SORCS2: variants seen among roughly 807,000 people sequenced by gnomAD.
SORCS2 encodes sortilin related VPS10 domain containing receptor 2.
A neutral mutation model predicts 141.6 loss-of-function variants in SORCS2; 100 were observed. The ratio of observed to expected loss-of-function variants is 0.71; its 90% CI spans 0.60 to 0.83. The LOEUF (loss-of-function observed/expected upper bound fraction) is 0.83. Ranked by LOEUF, SORCS2 falls within the 40% of genes least tolerant of loss-of-function variation. The pLI is 0.00. For missense variants in SORCS2, 1,646 were observed against 1,560.2 expected, an observed-to-expected ratio of 1.05 and a Z score of -0.93; for synonymous variants, 789 against 676.9, an observed-to-expected ratio of 1.17 and a Z score of -2.57.
chr4:7,417,293 C>A (rs1316404000), intron 2 of SORCS2, among the ~76,000 whole-genome samples: 2 of 152,086 alleles, frequency 1.3e-5, no homozygotes, highest in African/African-American at 4.8e-5. Context: ...GAGATGGCAG[C>A]GCCAGGAAGC....
Position 7,396,299 on chromosome 4 carries a change from C to T in SORCS2, c.492C>T (p.Ile164=), listed in dbSNP as rs61755316. The stretch of plus-strand genomic sequence containing the variant: ...TGTTAACACCACAGGTGATCTTGAT[C>T]CTGACGAAGTACTACCACGCAGACA... ...WTGENSSVIL[I]LTKYYHADMG... The change falls in exon 2 of 27, where the codon ATC becomes ATT. Residue 164 remains isoleucine (I), a synonymous_variant. Transcript: ENST00000507866. The T allele has an allele frequency of 4.3e-6, 7 of 1,613,888 alleles. No homozygotes were observed. Among genetic ancestry groups the T allele is most frequent in the Non-Finnish European group, 5.9e-6 (7 of 1,179,846 alleles).
rs776968399 is a variant in SORCS2 at position 7,704,200 on chromosome 4, C to T, written c.1784C>T (p.Thr595Ile). ...AGGTTCAGTGTGGACGAGGGCCTCA[C>T]CTGGAGCACGCACAACTTCACCAGC... The part of the protein sequence containing the change: ...ILKFSVDEGL[T>I]WSTHNFTSTS... Residue 595 changes from threonine to isoleucine, a missense_variant, in exon 14 of 27, where the codon ACC (threonine) becomes ATC (isoleucine). Physicochemically the swap from Thr to Ile is moderately conservative, Grantham distance 89 (BLOSUM62 -1). Transcript: ENST00000507866. 1.9e-6 allele frequency: 3 copies of T among 1,612,852 alleles called. No homozygotes were observed. The highest frequency in any genetic ancestry group is 2.5e-6 in the Non-Finnish European group (3 of 1,179,574).
chr4:7,553,341 A>G (rs1407990454), intron 3 of SORCS2, among the ~76,000 whole-genome samples: 1 of 152,232 alleles, frequency 6.6e-6, no homozygotes, highest in Non-Finnish European at 1.5e-5. Context: ...TTTTTCATCA[A>G]AAAAGGAAAC....
chr4:7,704,086 C>A, intron 13 of SORCS2, 91 bp from the exon 14 acceptor site: 1 of 1,163,454 alleles, frequency 8.6e-7, no homozygotes, highest in Non-Finnish European at 1.3e-6. Flanking sequence ...AGTGCAGCCT[C>A]CGCCCCTCCA....
At chr4:7,657,299 TAATG>T (rs1721836951) in intron 5 of SORCS2, among the ~76,000 whole-genome samples, 1 of 152,206 alleles carries the variant, frequency 6.6e-6, no homozygotes, top group Non-Finnish European at 1.5e-5. Context: ...ATGAGTTAGG[TAATG>T]AATGAATGAG....
chr4:7,401,576 TC>T (rs1724598079), intron 2 of SORCS2, among the ~76,000 whole-genome samples: 1 of 152,212 alleles, frequency 6.6e-6, no homozygotes, highest in South Asian at 2.1e-4. Flanking sequence ...GCTCCCTATG[TC>T]CTGCCTCCTG....
rs928623586 is a variant in SORCS2, at chr4:7,380,913, C to G, written c.481-15375C>G. Among the ~76,000 whole-genome samples, 137 of 152,258 alleles carry G rather than the reference C, an allele frequency of 9.0e-4. 2 individuals carry two copies. The highest frequency in any genetic ancestry group is 3.1e-3 in the African/African-American group (129 of 41,548). ...CCTGGCCAACACGGTGAAACCCCGT[C>G]TCTACTAAAAATACAAAAATTAGCT... On this transcript the variant is annotated intron_variant, in intron 1 of 26. Coordinates refer to ENST00000507866, the MANE Select transcript of SORCS2 (RefSeq NM_020777.3).
intron 2 of SORCS2, among the ~76,000 whole-genome samples, chr4:7,401,335 A>G (rs1724581545): frequency 6.6e-6 from 1 of 152,050 alleles, no homozygotes; most frequent in African/African-American, 2.4e-5. Context: ...GGATAAATAG[A>G]TGGGTGGATG....
intron 9 of SORCS2, among the ~76,000 whole-genome samples, chr4:7,681,155 G>C (rs1228148728): frequency 6.6e-6 from 1 of 152,188 alleles, no homozygotes. Context: ...GGGGTCAGGG[G>C]AGGGACTGCA....
At chr4:7,455,963 A>G (rs779578788) in intron 2 of SORCS2, among the ~76,000 whole-genome samples, 6 of 152,172 alleles carry the variant, frequency 3.9e-5, no homozygotes, top group Non-Finnish European at 8.8e-5. Flanking sequence ...GGCTTAAACA[A>G]GAGTAATTCC....
chr4:7,592,958 G>A (rs185678249), intron 3 of SORCS2, among the ~76,000 whole-genome samples: 21 of 152,302 alleles, frequency 1.4e-4, no homozygotes, highest in Admixed American at 1.0e-3. Flanking sequence ...TTAATCTACT[G>A]CTGTGTGTGT....
At chr4:7,651,216 C>T (rs566541517) in intron 4 of SORCS2, among the ~76,000 whole-genome samples, 59 of 152,178 alleles carry the variant, frequency 3.9e-4, no homozygotes, top group Non-Finnish European at 6.6e-4. Flanking sequence ...GAAAGGCAAA[C>T]GCGTGTTGTG....
intron 3 of SORCS2, among the ~76,000 whole-genome samples, chr4:7,584,424 C>T (rs1392018467): frequency 6.6e-6 from 1 of 152,158 alleles, no homozygotes; most frequent in Non-Finnish European, 1.5e-5. Flanking sequence ...GCTGAAGGCA[C>T]AGATACTCAG....
intron 1 of SORCS2, among the ~76,000 whole-genome samples, chr4:7,205,612 T>C (rs963666157): frequency 6.6e-6 from 1 of 152,226 alleles, no homozygotes; most frequent in South Asian, 2.1e-4. Flanking sequence ...CATTTGTGAC[T>C]TGTTGCCTAC....
intron 22 of SORCS2, 45 bp from the exon 23 acceptor site, chr4:7,729,530 TATGAGGCAGGGA>T: frequency 1.9e-6 from 3 of 1,539,830 alleles, no homozygotes; most frequent in Non-Finnish European, 2.6e-6. Flanking sequence ...GGGGCCCCAG[TATGAGGCAGGGA>T]ATGAGGAAGA....
At chr4:7,443,424 G>C (rs1174773168) in intron 2 of SORCS2, among the ~76,000 whole-genome samples, 9 of 152,170 alleles carry the variant, frequency 5.9e-5, no homozygotes, top group African/African-American at 2.2e-4. Context: ...TGAGCGCACA[G>C]CCGCGAATGG....
chr4:7,400,249 G>T (rs1577501982), intron 2 of SORCS2, among the ~76,000 whole-genome samples: 1 of 151,530 alleles, frequency 6.6e-6, no homozygotes, highest in African/African-American at 2.4e-5. Context: ...ACTACACTAA[G>T]CTCAGTCCCT....
At position 7,362,985 on chromosome 4, in the gene SORCS2, A is replaced by G. The variant is rs550929751; in HGVS notation, c.481-33303A>G. 1.3e-4 allele frequency among the ~76,000 whole-genome samples: 19 copies of G among 150,966 alleles called. No homozygotes were observed. The East Asian group carries it at 2.9e-3, about 23-fold the overall frequency. On this transcript the variant is annotated intron_variant, in intron 1 of 26. Coordinates refer to ENST00000507866, the MANE Select transcript of SORCS2 (RefSeq NM_020777.3). Reference sequence around the variant, plus strand: ...CATTACTGCAATCATCACCATCATTACCACCACTGCCATCCTACTGCTATC... The same window carrying G: ...CATTACTGCAATCATCACCATCATTGCCACCACTGCCATCCTACTGCTATC...
chr4:7,539,159 C>T (rs1346855750), intron 3 of SORCS2, among the ~76,000 whole-genome samples: 1 of 152,218 alleles, frequency 6.6e-6, no homozygotes, highest in Non-Finnish European at 1.5e-5. Context: ...CCCCCAAAGC[C>T]TTCCAGCAGC....
Sources: allele counts gnomAD v4.1 joint callset (sites outside exome capture counted in the v4.1 genomes callset), GRCh38; gene constraint gnomAD v4.1.1; transcripts MANE v1.5; gene names NCBI Gene and HGNC (gene_info 2026-07-23, HGNC 2026-07-21).